The following CHRM5 variants were observed in gnomAD, a reference collection of about 807,000 sequenced individuals.
CHRM5 encodes the protein cholinergic receptor muscarinic 5.
CHRM5 carries 18 observed loss-of-function variants against 39.0 expected under a neutral mutation model. The ratio of observed to expected loss-of-function variants is 0.46; its 90% CI spans 0.32 to 0.68. CHRM5 has a LOEUF of 0.68. Among genes scored for constraint, CHRM5 ranks in the 30% least tolerant of loss-of-function variants. The pLI is 0.04. For missense variants in CHRM5, 515 were observed against 651.1 expected (o/e 0.79, Z 2.28); for synonymous variants, 241 against 246.3 (o/e 0.98, Z 0.20).
intron 2 of CHRM5, among the ~76,000 whole-genome samples, chr15:34,051,351 G>A (rs755229613): frequency 1.3e-5 from 2 of 152,176 alleles, no homozygotes; most frequent in Non-Finnish European, 1.5e-5. Flanking sequence ...AGTGTTAAGA[G>A]GGAAATTTAT....
intron 2 of CHRM5, among the ~76,000 whole-genome samples, chr15:34,055,490 G>C (rs897110299): frequency 9.9e-5 from 15 of 151,770 alleles, no homozygotes; most frequent in African/African-American, 3.4e-4. Flanking sequence ...GGGCAACAGA[G>C]TGAAACACTC....
chr15:34,021,917 A>G (rs1440287996), intron 1 of CHRM5, among the ~76,000 whole-genome samples: 1 of 152,208 alleles, frequency 6.6e-6, no homozygotes, highest in African/African-American at 2.4e-5. Flanking sequence ...TAACATGAAA[A>G]AGAAGTGAGC....
chr15:34,024,475 A>G (rs1411073895), intron 1 of CHRM5, among the ~76,000 whole-genome samples: 1 of 35,018 alleles, frequency 2.9e-5, no homozygotes, highest in Non-Finnish European at 1.7e-4. Flanking sequence ...CCTGTCTCAA[A>G]AAAAAAAAAA....
At chr15:33,993,275 T>C (rs1371312214) in intron 1 of CHRM5, among the ~76,000 whole-genome samples, 1 of 152,256 alleles carries the variant, frequency 6.6e-6, no homozygotes, top group East Asian at 1.9e-4. Context: ...AGAATACTGT[T>C]CAAAAAGAAA....
intron 2 of CHRM5, among the ~76,000 whole-genome samples, chr15:34,061,011 G>A (rs954822839): frequency 2.7e-5 from 4 of 145,512 alleles, no homozygotes; most frequent in Non-Finnish European, 6.0e-5. Flanking sequence ...GCGAGACTCC[G>A]TCTCAAAAAA....
rs373677487 is a variant in CHRM5 at position 34,064,056 on chromosome 15, A to G, written c.1339A>G (p.Ile447Val). 1.7e-5 allele frequency: 27 copies of G among 1,614,068 alleles called. No homozygotes were observed. The African/African-American group carries it at 2.4e-4, about 14-fold the overall frequency. The change falls in exon 3 of 3, where the codon ATT becomes GTT. Residue 447 changes from isoleucine (I) to valine (V), a missense_variant. By Grantham distance (29) the Ile-to-Val change is conservative. Coordinates refer to ENST00000383263, the MANE Select transcript of CHRM5 (RefSeq NM_012125.4). ...GAAAGCAGCCCAGACACTGAGTGCC[A>G]TTCTCCTGGCCTTCATCATCACATG... ...ERKAAQTLSAILLAFIITWTP... is the reference protein window; with the variant it reads ...ERKAAQTLSAVLLAFIITWTP...
chr15:33,978,751 G>A (rs186788670), intron 1 of CHRM5, among the ~76,000 whole-genome samples: 5 of 151,934 alleles, frequency 3.3e-5, no homozygotes, highest in Admixed American at 1.3e-4. Context: ...AACAGAATTC[G>A]GCCTTACTTT....
At chr15:34,012,220 C>T (rs992470511) in intron 1 of CHRM5, among the ~76,000 whole-genome samples, 2 of 152,130 alleles carry the variant, frequency 1.3e-5, no homozygotes, top group Admixed American at 6.5e-5. Flanking sequence ...TGCTTCTTGA[C>T]GTGGTTATGA....
chr15:34,041,436 T>C (rs1051346368), intron 1 of CHRM5, among the ~76,000 whole-genome samples: 42 of 152,200 alleles, frequency 2.8e-4, no homozygotes. Context: ...ACATCTCCAA[T>C]GTAGTGAGAG....
chr15:33,999,311 T>A (rs1409054438), intron 1 of CHRM5, among the ~76,000 whole-genome samples: 1 of 152,196 alleles, frequency 6.6e-6, no homozygotes, highest in Non-Finnish European at 1.5e-5. Flanking sequence ...ACTAGGGTGG[T>A]AACATCTCTG....
At position 33,995,517 on chromosome 15, in the gene CHRM5, A is replaced by G. The variant is rs566187748; in HGVS notation, c.-408+26367A>G. Reference sequence around the variant, plus strand: ...TGGTATCCACAGGCGTCCTGAAACCATCCCTCTTGGATACCAAGGGAAAAC... The same window carrying G: ...TGGTATCCACAGGCGTCCTGAAACCGTCCCTCTTGGATACCAAGGGAAAAC... On this transcript the variant is annotated intron_variant, in intron 1 of 2. Coordinates refer to ENST00000383263, the MANE Select transcript of CHRM5 (RefSeq NM_012125.4). 2.6e-5 allele frequency among the ~76,000 whole-genome samples: 4 copies of G among 152,304 alleles called. No individual in the cohort carries two copies. In the South Asian group the frequency reaches 8.3e-4, roughly 32 times the overall value.
chr15:33,982,748 C>T (rs946648987), intron 1 of CHRM5, among the ~76,000 whole-genome samples: 1 of 152,112 alleles, frequency 6.6e-6, no homozygotes, highest in Non-Finnish European at 1.5e-5. Flanking sequence ...TACCATGATG[C>T]TTTCCCCATG....
intron 1 of CHRM5, among the ~76,000 whole-genome samples, chr15:34,040,125 C>T (rs909601858): frequency 6.6e-6 from 1 of 152,078 alleles, no homozygotes; most frequent in Non-Finnish European, 1.5e-5. Flanking sequence ...TAATTGCCTA[C>T]TCTGCATCAG....
intron 1 of CHRM5, among the ~76,000 whole-genome samples, chr15:33,970,118 C>A (rs1006587446): frequency 6.6e-6 from 1 of 151,898 alleles, no homozygotes; most frequent in South Asian, 2.1e-4. Flanking sequence ...AAGAGCATAT[C>A]ACACCTAACT....
chr15:33,986,152 G>A (rs1443123161), intron 1 of CHRM5, among the ~76,000 whole-genome samples: 1 of 151,402 alleles, frequency 6.6e-6, no homozygotes, highest in Non-Finnish European at 1.5e-5. Context: ...TGTCGCCCAG[G>A]CTGGAGTGCA....
At chr15:34,053,319 A>AAT (rs71119922) in intron 2 of CHRM5, among the ~76,000 whole-genome samples, 3,712 of 41,806 alleles carry the variant, frequency 0.089, 421 homozygotes, top group Admixed American at 0.15. Flanking sequence ...AAAAAAAAAA[A>AAT]ATATATATAT....
At chr15:34,022,087 C>A (rs939061732) in intron 1 of CHRM5, among the ~76,000 whole-genome samples, 2 of 152,176 alleles carry the variant, frequency 1.3e-5, no homozygotes, top group African/African-American at 4.8e-5. Flanking sequence ...ATATTTAAAA[C>A]CTACTCCTGC....
chr15:34,039,916 C>A (rs193182508), intron 1 of CHRM5, among the ~76,000 whole-genome samples: 3 of 152,286 alleles, frequency 2.0e-5, no homozygotes, highest in Admixed American at 2.0e-4. Flanking sequence ...TCCCTTCTTT[C>A]AACCAAGGAG....
intron 1 of CHRM5, among the ~76,000 whole-genome samples, chr15:34,017,635 A>G (rs562250547): frequency 6.6e-6 from 1 of 152,130 alleles, no homozygotes; most frequent in Non-Finnish European, 1.5e-5. Context: ...GCATGCCACC[A>G]CACCCAGCTA....
Sources: gnomAD v4.1 joint callset for allele counts (sites outside exome capture counted in the v4.1 genomes callset) on GRCh38, gnomAD v4.1.1 for gene constraint, MANE v1.5 for transcripts, NCBI Gene and HGNC (gene_info 2026-07-23, HGNC 2026-07-21) for gene names.